The following CMSS1 variants were observed in gnomAD, a reference collection of about 807,000 sequenced individuals.
CMSS1 encodes protein CMSS1.
CMSS1 carries 33 observed loss-of-function variants against 43.5 expected under a neutral mutation model. The ratio of observed to expected loss-of-function variants is 0.76; its 90% CI spans 0.57 to 1.01. The LOEUF (loss-of-function observed/expected upper bound fraction) is 1.01, where lower values mean the gene tolerates loss of function less well. Among genes scored for constraint, CMSS1 ranks in the 50% least tolerant of loss-of-function variants. The pLI, the probability that CMSS1 is intolerant of heterozygous loss-of-function variation, is 0.00. For synonymous variants in CMSS1, 115 were observed against 117.2 expected, an observed-to-expected ratio of 0.98 and a Z score of 0.12; for missense variants, 313 against 326.4, an observed-to-expected ratio of 0.96 and a Z score of 0.32.
chr3:100,008,873 A>T (rs1710064514), intron 1 of CMSS1, among the ~76,000 whole-genome samples: 1 of 152,204 alleles, frequency 6.6e-6, no homozygotes, highest in South Asian at 2.1e-4. Context: ...ATTCCTGGGC[A>T]TGGGTGGGAT....
intron 2 of CMSS1, among the ~76,000 whole-genome samples, chr3:100,159,095 AC>A (rs1211052526): frequency 6.6e-6 from 1 of 152,224 alleles, no homozygotes; most frequent in Non-Finnish European, 1.5e-5. Context: ...TGGCCTTGGC[AC>A]AGTCTCTAAT....
At chr3:100,089,654 G>C (rs1242573533) in intron 1 of CMSS1, among the ~76,000 whole-genome samples, 1 of 152,166 alleles carries the variant, frequency 6.6e-6, no homozygotes, top group East Asian at 1.9e-4. Flanking sequence ...TCACTTTACT[G>C]ATGTCTTACA....
chr3:100,101,834 TTGTTCAA>T (rs1279894253), intron 1 of CMSS1, among the ~76,000 whole-genome samples: 1 of 152,130 alleles, frequency 6.6e-6, no homozygotes, highest in African/African-American at 2.4e-5. Flanking sequence ...TGTGTTCTCA[TTGTTCAA>T]TTCCCACCTA....
intron 1 of CMSS1, among the ~76,000 whole-genome samples, chr3:100,132,439 C>G (rs1172343587): frequency 2.6e-5 from 4 of 151,838 alleles, no homozygotes; most frequent in African/African-American, 4.8e-5. Flanking sequence ...TAAGATTAAC[C>G]TTAAAATTAA....
intron 1 of CMSS1, among the ~76,000 whole-genome samples, chr3:99,951,805 A>G (rs1708185341): frequency 6.6e-6 from 1 of 152,200 alleles, no homozygotes; most frequent in Non-Finnish European, 1.5e-5. Context: ...TTTCTGCCAC[A>G]ACTACTCAAA....
intron 1 of CMSS1, among the ~76,000 whole-genome samples, chr3:99,882,293 T>C (rs1000108258): frequency 6.6e-6 from 1 of 152,218 alleles, no homozygotes; most frequent in Non-Finnish European, 1.5e-5. Context: ...TTGCTTGATA[T>C]GAAGGTGGCT....
At chr3:100,093,996 G>A (rs2066159119) in intron 1 of CMSS1, among the ~76,000 whole-genome samples, 6 of 152,120 alleles carry the variant, frequency 3.9e-5, no homozygotes, top group Admixed American at 3.9e-4. Flanking sequence ...CAGTTGCTGG[G>A]TTCATATGGT....
At chr3:99,858,251 G>T (rs1055697390) in intron 1 of CMSS1, among the ~76,000 whole-genome samples, 3 of 151,996 alleles carry the variant, frequency 2.0e-5, no homozygotes, top group African/African-American at 7.2e-5. Context: ...GGATCATGAG[G>T]TGAGGAGATC....
rs1251504629 is a variant in CMSS1, at chr3:99,960,699, A to G, written c.64+142656A>G. On this transcript the variant is annotated intron_variant, in intron 1 of 9. Coordinates refer to ENST00000421999, the MANE Select transcript of CMSS1 (RefSeq NM_032359.4). ...TCCTGGTACTGGGATTGAGGGGAGG[A>G]ACACTTTCACTTTCAGGGCTATTGT... is the stretch of plus-strand genomic sequence containing the variant. Among the ~76,000 whole-genome samples the G allele has an allele frequency of 2.0e-5, 3 of 152,154 alleles. No homozygotes were observed. The East Asian group carries it at 5.8e-4, about 29-fold the overall frequency.
At position 100,059,648 on chromosome 3, in the gene CMSS1, G is replaced by A. The variant is rs114477948; in HGVS notation, c.65-87325G>A. Among the ~76,000 whole-genome samples the A allele has an allele frequency of 6.4e-3, 977 of 152,292 alleles. 5 individuals carry two copies. The highest frequency in any genetic ancestry group is 0.022 in the African/African-American group (925 of 41,548). ...CGGGGGCCAAGTGCAGGACAGAGTAGTGACTGGGACTGTACTGTAATGAAA... is the reference window on the plus strand; with the variant it reads ...CGGGGGCCAAGTGCAGGACAGAGTAATGACTGGGACTGTACTGTAATGAAA... On this transcript the variant is annotated intron_variant, in intron 1 of 9. Transcript: ENST00000421999.
chr3:99,873,953 A>G (rs1281811550), intron 1 of CMSS1, among the ~76,000 whole-genome samples: 1 of 152,206 alleles, frequency 6.6e-6, no homozygotes, highest in Non-Finnish European at 1.5e-5. Flanking sequence ...ATTCTATCAA[A>G]AACATTTTCC....
chr3:99,963,967 G>A (rs1472678927), intron 1 of CMSS1, among the ~76,000 whole-genome samples: 1 of 152,104 alleles, frequency 6.6e-6, no homozygotes, highest in Non-Finnish European at 1.5e-5. Flanking sequence ...AAAATGATCA[G>A]TAGGCCAGGC....
intron 1 of CMSS1, among the ~76,000 whole-genome samples, chr3:100,122,004 A>G (rs1264216404): frequency 6.6e-6 from 1 of 152,202 alleles, no homozygotes. Flanking sequence ...CAAGCAGCAG[A>G]TAAGGAACGA....
chr3:99,848,746 G>T lies in CMSS1; in HGVS notation c.64+30703G>T, dbSNP rs750545270. On this transcript the variant is annotated intron_variant, in intron 1 of 9. Transcript: ENST00000421999. The stretch of plus-strand genomic sequence containing the variant: ...CTGTGCTCTGGCAAAGGTTGCCATG[G>T]TAATTGGGGACATGCCTTGTTCTAA... 1.8e-5 allele frequency: 29 copies of T among 1,614,068 alleles called. No homozygotes were observed. In the Admixed American group the frequency reaches 4.8e-4, roughly 27 times the overall value.
intron 1 of CMSS1, among the ~76,000 whole-genome samples, chr3:99,926,935 G>C (rs1707310689): frequency 6.6e-6 from 1 of 152,140 alleles, no homozygotes; most frequent in South Asian, 2.1e-4. Flanking sequence ...CCTCCTTGCA[G>C]TCTGTCCTCA....
chr3:99,938,832 CAA>C (rs556271598), intron 1 of CMSS1, among the ~76,000 whole-genome samples: 21 of 143,468 alleles, frequency 1.5e-4, no homozygotes, highest in Admixed American at 1.5e-3. Context: ...TGTGGTCTTT[CAA>C]AAAAAAAAAG....
chr3:100,027,115 C>G (rs1046564806), intron 1 of CMSS1, among the ~76,000 whole-genome samples: 1 of 152,144 alleles, frequency 6.6e-6, no homozygotes, highest in African/African-American at 2.4e-5. Flanking sequence ...CTTGGACACG[C>G]TATCTAAACT....
At chr3:100,149,301 T>C (rs2066882116) in intron 2 of CMSS1, among the ~76,000 whole-genome samples, 2 of 152,200 alleles carry the variant, frequency 1.3e-5, no homozygotes, top group African/African-American at 4.8e-5. Flanking sequence ...AGATGGGTTC[T>C]GGGGGTCATG....
At chr3:100,031,979 GC>G (rs1559732585) in intron 1 of CMSS1, among the ~76,000 whole-genome samples, 1 of 151,854 alleles carries the variant, frequency 6.6e-6, no homozygotes, top group African/African-American at 2.4e-5. Context: ...TATTTTTCAT[GC>G]ATCATGAAAA....
Sources: allele counts gnomAD v4.1 joint callset (sites outside exome capture counted in the v4.1 genomes callset), GRCh38; gene constraint gnomAD v4.1.1; transcripts MANE v1.5; gene names NCBI Gene and HGNC (gene_info 2026-07-23, HGNC 2026-07-21).